ADARB2: variants seen among roughly 807,000 people sequenced by gnomAD.
ADARB2 encodes the protein adenosine deaminase RNA specific B2 (inactive), also known as inactive double-stranded RNA-specific editase B2.
A neutral mutation model predicts 62.2 loss-of-function variants in ADARB2; 25 were observed. The ratio of observed to expected loss-of-function variants is 0.40; its 90% CI spans 0.29 to 0.56. The LOEUF is 0.56. Among genes scored for constraint, ADARB2 ranks in the 20% least tolerant of loss-of-function variants. The probability of loss-of-function intolerance (pLI) is 0.43; values close to 1 mark genes in which losing one functional copy is unlikely to be tolerated. For synonymous variants in ADARB2, 572 were observed against 500.8 expected (o/e 1.14, Z -1.90); for missense variants, 1,071 against 1,077.4 (o/e 0.99, Z 0.08).
At position 1,723,077 on chromosome 10, in the gene ADARB2, G is replaced by A. The variant is rs1055673947; in HGVS notation, c.100+13974C>T. On this transcript the variant is annotated intron_variant, in intron 1 of 9. Coordinates refer to ENST00000381312, the MANE Select transcript of ADARB2 (RefSeq NM_018702.4). ...CACATGTCACTAAGGTGTGAGCTGG[G>A]CTGCACGCTATTCAGTATCTCCCTG... Among the ~76,000 whole-genome samples the A allele has an allele frequency of 3.3e-5, 5 of 152,264 alleles. No individual in the cohort carries two copies. In the East Asian group the frequency reaches 9.7e-4, roughly 29 times the overall value.
At chr10:1,305,258 A>G (rs1831615541) in intron 3 of ADARB2, among the ~76,000 whole-genome samples, 1 of 145,538 alleles carries the variant, frequency 6.9e-6, no homozygotes, top group Admixed American at 7.0e-5. Context: ...CTACCATCAG[A>G]GAATAATACA....
rs949138118 is a variant in ADARB2, at chr10:1,221,418, TTTATTA to T, written c.1514-4305_1514-4300del. 2.6e-4 allele frequency among the ~76,000 whole-genome samples: 40 copies of T among 151,878 alleles called. No homozygotes were observed. In the South Asian group the frequency reaches 7.3e-3, roughly 28 times the overall value. On this transcript the variant is annotated intron_variant, in intron 6 of 9. Transcript: ENST00000381312. ...TGCTCATTTCTTTTTTTTTTTTAATTTTATTATTATTATTATACTTTAAGTTTTAGG... is the reference window on the plus strand; with the variant it reads ...TGCTCATTTCTTTTTTTTTTTTAATTTTATTATTATACTTTAAGTTTTAGG...
chr10:1,203,737 G>C (rs1283058273), intron 7 of ADARB2, among the ~76,000 whole-genome samples: 3 of 152,188 alleles, frequency 2.0e-5, no homozygotes, highest in Non-Finnish European at 4.4e-5. Context: ...AGCCAACACA[G>C]TCAGGTACCA....
intron 2 of ADARB2, among the ~76,000 whole-genome samples, chr10:1,369,081 G>C (rs1447147132): frequency 2.6e-5 from 4 of 152,220 alleles, no homozygotes; most frequent in Non-Finnish European, 4.4e-5. Context: ...ACCACTCACA[G>C]CTTTAACGCC....
intron 3 of ADARB2, among the ~76,000 whole-genome samples, chr10:1,326,163 A>G (rs1831842834): frequency 6.6e-6 from 1 of 152,244 alleles, no homozygotes; most frequent in African/African-American, 2.4e-5. Context: ...TTGTCCACAG[A>G]GTGAAACACA....
At chr10:1,508,442 T>A (rs960208215) in intron 1 of ADARB2, among the ~76,000 whole-genome samples, 3 of 152,070 alleles carry the variant, frequency 2.0e-5, no homozygotes, top group African/African-American at 7.2e-5. Context: ...CAGGAGGCCC[T>A]TGGAGTCACT....
intron 1 of ADARB2, among the ~76,000 whole-genome samples, chr10:1,539,228 GTC>G (rs1165342331): frequency 6.6e-6 from 1 of 152,222 alleles, no homozygotes; most frequent in Non-Finnish European, 1.5e-5. Flanking sequence ...TGAATGCCTT[GTC>G]TCTCGTTTAT....
intron 1 of ADARB2, among the ~76,000 whole-genome samples, chr10:1,604,959 AG>A (rs1833477205): frequency 6.6e-6 from 1 of 152,240 alleles, no homozygotes; most frequent in Admixed American, 6.5e-5. Context: ...AGAGATAAAA[AG>A]GGCAAACTCT....
chr10:1,668,640 G>A (rs1834341539), intron 1 of ADARB2, among the ~76,000 whole-genome samples: 1 of 152,154 alleles, frequency 6.6e-6, no homozygotes, highest in South Asian at 2.1e-4. Flanking sequence ...AACACTGAAG[G>A]GACCAACACT....
At chr10:1,705,950 G>T (rs897559809) in intron 1 of ADARB2, among the ~76,000 whole-genome samples, 2 of 152,246 alleles carry the variant, frequency 1.3e-5, no homozygotes, top group East Asian at 3.9e-4. Context: ...AATTACAGTG[G>T]TTTAATGCCT....
chr10:1,269,915 G>T (rs1831243600), intron 4 of ADARB2, among the ~76,000 whole-genome samples: 1 of 151,976 alleles, frequency 6.6e-6, no homozygotes, highest in Non-Finnish European at 1.5e-5. Flanking sequence ...GTCTGAAAGG[G>T]GGCCAGTTGC....
At chr10:1,412,669 C>T (rs10903443) in intron 1 of ADARB2, among the ~76,000 whole-genome samples, 27,946 of 151,968 alleles carry the variant, frequency 0.18, 3,171 homozygotes, top group East Asian at 0.45. Flanking sequence ...TAATGGACCA[C>T]GTAATGAGTC....
At chr10:1,204,150 C>T (rs558895817) in intron 7 of ADARB2, among the ~76,000 whole-genome samples, 1 of 152,292 alleles carries the variant, frequency 6.6e-6, no homozygotes, top group Non-Finnish European at 1.5e-5. Flanking sequence ...CACCTTCTTC[C>T]TCCCACCTTT....
At chr10:1,357,763 C>T (rs1832210197) in intron 3 of ADARB2, among the ~76,000 whole-genome samples, 1 of 152,134 alleles carries the variant, frequency 6.6e-6, no homozygotes, top group South Asian at 2.1e-4. Context: ...AACAATGATG[C>T]TAATACAAAT....
intron 1 of ADARB2, among the ~76,000 whole-genome samples, chr10:1,614,787 T>G (rs897972097): frequency 6.6e-6 from 1 of 152,040 alleles, no homozygotes; most frequent in Non-Finnish European, 1.5e-5. Context: ...GGCGGGCACC[T>G]GTAGTCCCAG....
intron 1 of ADARB2, among the ~76,000 whole-genome samples, chr10:1,640,011 C>T (rs868287557): frequency 3.9e-5 from 6 of 152,086 alleles, no homozygotes; most frequent in African/African-American, 9.7e-5. Flanking sequence ...GGGGTGTTGG[C>T]GGGAAGATCT....
chr10:1,450,473 G>A (rs1166774550), intron 1 of ADARB2, among the ~76,000 whole-genome samples: 2 of 152,220 alleles, frequency 1.3e-5, no homozygotes, highest in Admixed American at 6.5e-5. Flanking sequence ...GATGTCGGAT[G>A]CCCGGATGGT....
Position 1,305,280 on chromosome 10 carries a change from G to T in ADARB2, c.1078-34211C>A, listed in dbSNP as rs1289191524. ...CAGAGAATAATACAAACACCTCTAC[G>T]CAAATAAACTAGAAAATCTAGAAGA... On this transcript the variant is annotated intron_variant, in intron 3 of 9. Coordinates refer to ENST00000381312, the MANE Select transcript of ADARB2 (RefSeq NM_018702.4). Among the ~76,000 whole-genome samples the T allele has an allele frequency of 1.3e-5, 2 of 149,948 alleles. 1 individual carries two copies. Among genetic ancestry groups the T allele is most frequent in the Admixed American group, 1.3e-4 (2 of 14,916 alleles).
rs1002891437 is a variant in ADARB2 at position 1,373,847 on chromosome 10, G to A, written c.187+5227C>T. Among the ~76,000 whole-genome samples the A allele has an allele frequency of 4.2e-3, 531 of 126,440 alleles. 2 individuals are homozygous for A. Among genetic ancestry groups the A allele is most frequent in the East Asian group, 0.017 (42 of 2,434 alleles). 82.9% of individuals were successfully genotyped at this position (126,440 alleles called of 152,430 possible). On this transcript the variant is annotated intron_variant, in intron 2 of 9. Transcript: ENST00000381312. The stretch of plus-strand genomic sequence containing the variant: ...TCCGCGCACCCTTCCTAGTGAAACC[G>A]CGTGGGCTCCGCGCACCCTTCCTAG...
Sources: gnomAD v4.1 joint callset for allele counts (sites outside exome capture counted in the v4.1 genomes callset) on GRCh38, gnomAD v4.1.1 for gene constraint, MANE v1.5 for transcripts, NCBI Gene and HGNC (gene_info 2026-07-23, HGNC 2026-07-21) for gene names.